CLCNKA: variants seen among roughly 807,000 people sequenced by gnomAD.
CLCNKA encodes chloride channel protein ClC-Ka.
A neutral mutation model predicts 83.3 loss-of-function variants in CLCNKA; 66 were observed. That is an observed-to-expected ratio of 0.79 (90% CI 0.65 to 0.97). The LOEUF (loss-of-function observed/expected upper bound fraction) is 0.97, where lower values mean the gene tolerates loss of function less well. Among genes scored for constraint, CLCNKA ranks in the 50% least tolerant of loss-of-function variants. CLCNKA has a pLI of 0.00. For synonymous variants in CLCNKA, 357 were observed against 370.4 expected, an observed-to-expected ratio of 0.96 and a Z score of 0.42; for missense variants, 806 against 888.7, an observed-to-expected ratio of 0.91 and a Z score of 1.18.
At position 16,033,887 on chromosome 1, in the gene CLCNKA, G is replaced by A. The variant is rs1373893220; in HGVS notation, c.*229G>A. ...TCCCACCTTGGGCAGAGCTGAGTGT[G>A]AGAAGATGGAAAACCAGTATCTGCC... On this transcript the variant is annotated 3_prime_UTR_variant, in exon 20 of 20. Transcript: ENST00000331433. The A allele has an allele frequency of 3.1e-5, 20 of 646,210 alleles. No homozygotes were observed. Among genetic ancestry groups the A allele is most frequent in the Middle Eastern group, 2.8e-4 (1 of 3,518 alleles). The allele number at this position is 646,210 out of a possible 1,614,324, so 40.0% of individuals were successfully genotyped here. A position where few individuals can be genotyped will look rare whatever the true frequency, so the allele number is the denominator to read the frequency against.
intron 4 of CLCNKA, among the ~76,000 whole-genome samples, chr1:16,025,170 ACTCAGCCCTTC>A (rs1214310184): frequency 6.6e-6 from 1 of 152,064 alleles, no homozygotes; most frequent in Non-Finnish European, 1.5e-5. Context: ...CCCTCAGGCC[ACTCAGCCCTTC>A]CTCCAGCTCC....
chr1:16,025,630 T>C (rs1352687237), intron 4 of CLCNKA, among the ~76,000 whole-genome samples: 2 of 152,000 alleles, frequency 1.3e-5, no homozygotes, highest in African/African-American at 2.4e-5. Flanking sequence ...GGGGTTATAA[T>C]GAGCCGAGAT....
rs112960271 is a variant in CLCNKA at position 16,033,983 on chromosome 1, A to G, written c.*325A>G. 5.9e-6 allele frequency: 2 copies of G among 339,592 alleles called. 1 individual carries two copies. The highest frequency in any genetic ancestry group is 8.1e-5 in the African/African-American group (2 of 24,634). 21.0% of individuals were successfully genotyped at this position (339,592 alleles called of 1,614,324 possible). On this transcript the variant is annotated 3_prime_UTR_variant, in exon 20 of 20. Coordinates refer to ENST00000331433, the MANE Select transcript of CLCNKA (RefSeq NM_004070.4). ...AGTACACTGTCACCAAGGGCAGGCA[A>G]AGATGCCCTCTGGGGTTGTCTGGTT... is the stretch of plus-strand genomic sequence containing the variant.
chr1:16,030,573 A>T lies in CLCNKA; in HGVS notation c.1521A>T (p.Ala507=), dbSNP rs764503312. The T allele has an allele frequency of 6.2e-7, 1 of 1,613,084 alleles. No homozygotes were observed. Among genetic ancestry groups the T allele is most frequent in the Admixed American group, 1.7e-5 (1 of 60,028 alleles). The change falls in exon 15 of 20, where the codon GCA becomes GCT. Residue 507 remains alanine, a synonymous_variant. Transcript: ENST00000331433. ...HALPVLMAVL[A]ANAIAQSCQP... The stretch of plus-strand genomic sequence containing the variant: ...TGCCCGTGCTGATGGCGGTGCTGGC[A>T]GCCAACGCCATTGCACAGAGCTGCC...
At chr1:16,028,409 C>A (rs1453820439) in intron 10 of CLCNKA, among the ~76,000 whole-genome samples, 1 of 152,166 alleles carries the variant, frequency 6.6e-6, no homozygotes, top group Non-Finnish European at 1.5e-5. Context: ...TGTGTGGCCC[C>A]TGGCGTTGGC....
chr1:16,032,993 T>G (rs1467191875), intron 18 of CLCNKA, among the ~76,000 whole-genome samples, 177 bp from the exon 19 acceptor site: 8 of 152,108 alleles, frequency 5.3e-5, no homozygotes, highest in Non-Finnish European at 1.2e-4. Context: ...CCCAGACCCT[T>G]GAGTGGCCTC....
In CLCNKA at chr1:16,024,885, T is replaced by G; in HGVS notation, c.352T>G (p.Ser118Ala). ...SGFSQSITPS[S>A]GGSGIPELKT... Reference sequence around the variant, plus strand: ...CTTCTCCCAGAGCATCACGCCCTCCTCTGGAGGTGAGTCCACGGTCGCCAT... The same window carrying G: ...CTTCTCCCAGAGCATCACGCCCTCCGCTGGAGGTGAGTCCACGGTCGCCAT... The change falls in exon 4 of 20, where the codon TCT becomes GCT. Residue 118 changes from serine to alanine, a missense_variant. Transcript: ENST00000331433. The G allele has an allele frequency of 2.5e-6, 4 of 1,614,064 alleles. No individual in the cohort carries two copies. Among genetic ancestry groups the G allele is most frequent in the Non-Finnish European group, 3.4e-6 (4 of 1,180,004 alleles).
chr1:16,026,980 C>T, intron 7 of CLCNKA: 1 of 692,370 alleles, frequency 1.4e-6, no homozygotes. Context: ...TGCTGAGAGG[C>T]TTCAGGATAA....
Position 16,029,112 on chromosome 1 carries a change from C to T in CLCNKA, c.1054-14C>T. 1 of 1,610,182 alleles carries T rather than the reference C, an allele frequency of 6.2e-7. No individual in the cohort carries two copies. Among genetic ancestry groups the T allele is most frequent in the Non-Finnish European group, 8.5e-7 (1 of 1,179,480 alleles). On this transcript the variant is annotated splice_polypyrimidine_tract_variant and intron_variant, in intron 11 of 19. Coordinates refer to ENST00000331433, the MANE Select transcript of CLCNKA (RefSeq NM_004070.4). ...GGGGCCCCTCATGTCCAGTTCCCAC[C>T]TGCCCCGCCACAGCTGTCCATGAAG...
intron 15 of CLCNKA, 100 bp downstream of exon 15, chr1:16,030,774 C>A: frequency 6.7e-7 from 1 of 1,488,966 alleles, no homozygotes; most frequent in Admixed American, 1.8e-5. Context: ...CCGCAGCTGA[C>A]CTCCGACATG....
At chr1:16,030,314 C>A (rs1302961225) in intron 14 of CLCNKA, 147 bp from the exon 15 acceptor site, 4 of 1,051,198 alleles carry the variant, frequency 3.8e-6, no homozygotes, top group Non-Finnish European at 5.6e-6. Context: ...CAAGCCCAGG[C>A]CTTGGGGCAC....
chr1:16,026,670 T>G (rs761375883), intron 6 of CLCNKA, 27 bp from the exon 7 acceptor site: 56 of 1,613,410 alleles, frequency 3.5e-5, no homozygotes, highest in African/African-American at 5.3e-5. Flanking sequence ...GGGGGCTGAC[T>G]CTGAGCCCTG....
chr1:16,033,937 A>T lies in CLCNKA; in HGVS notation c.*279A>T, dbSNP rs1211628577. On this transcript the variant is annotated 3_prime_UTR_variant, in exon 20 of 20. Transcript: ENST00000331433. ...CAGGTGCTCAGTGACTGGCCATCAC[A>T]TTAATGAATGACGAGATTGGAGTAC... The T allele has an allele frequency of 3.7e-6, 2 of 542,044 alleles. 1 individual carries two copies. Among genetic ancestry groups the T allele is most frequent in the African/African-American group, 5.3e-5 (2 of 37,454 alleles). 33.6% of individuals were successfully genotyped at this position (542,044 alleles called of 1,614,324 possible).
At chr1:16,028,941 G>A (rs2022498959) in intron 11 of CLCNKA, 96 bp downstream of exon 11, 1 of 1,521,684 alleles carries the variant, frequency 6.6e-7, no homozygotes, top group Non-Finnish European at 9.1e-7. Context: ...CCCCACCAGG[G>A]TGACACCTGG....
At chr1:16,033,289 G>T (rs756701448) in intron 19 of CLCNKA, 33 bp downstream of exon 19, 1 of 1,610,558 alleles carries the variant, frequency 6.2e-7, no homozygotes, top group South Asian at 1.1e-5. Context: ...GCAAAGCAGG[G>T]GACCCATGCC....
chr1:16,033,929 G>T lies in CLCNKA; in HGVS notation c.*271G>T. On this transcript the variant is annotated 3_prime_UTR_variant, in exon 20 of 20. Coordinates refer to ENST00000331433, the MANE Select transcript of CLCNKA (RefSeq NM_004070.4). The stretch of plus-strand genomic sequence containing the variant: ...GTATCTGCCAGGTGCTCAGTGACTG[G>T]CCATCACATTAATGAATGACGAGAT... The T allele has an allele frequency of 4.0e-6, 2 of 505,082 alleles. No individual in the cohort carries two copies. The highest frequency in any genetic ancestry group is 3.4e-5 in the African/African-American group (1 of 29,604). 31.3% of individuals were successfully genotyped at this position (505,082 alleles called of 1,614,324 possible). A position where few individuals can be genotyped will look rare whatever the true frequency, so the allele number is the denominator to read the frequency against.
At position 16,028,076 on chromosome 1, in the gene CLCNKA, TTCA is replaced by T. The variant is rs781111805; in HGVS notation, c.929_931del (p.Ile310del). ...CTTCTGTCAGCGAACCTTCCTCAGC[TTCA>T]TCAAGACCAATCGGTACAGCTCCAA... is the stretch of plus-strand genomic sequence containing the variant. On this transcript the variant is annotated inframe_deletion, in exon 10 of 20. Coordinates refer to ENST00000331433, the MANE Select transcript of CLCNKA (RefSeq NM_004070.4). 2.5e-6 allele frequency: 4 copies of T among 1,584,008 alleles called. No individual in the cohort carries two copies. Among genetic ancestry groups the T allele is most frequent in the Non-Finnish European group, 3.5e-6 (4 of 1,153,742 alleles).
intron 18 of CLCNKA, among the ~76,000 whole-genome samples, chr1:16,032,876 CA>C (rs2022686836): frequency 6.6e-6 from 1 of 152,254 alleles, no homozygotes. Flanking sequence ...GAGCCTGACA[CA>C]AGGATGGGGC....
In CLCNKA at chr1:16,030,722, G is replaced by T. The variant is rs745351540; in HGVS notation, c.1622+48G>T. ...TGACTGAAGGGGGTCACAGTGTTTG[G>T]GCTTGGCTGGGGGTGGAGGGCACCT... On this transcript the variant is annotated intron_variant, in intron 15 of 19. Transcript: ENST00000331433. 90 of 1,611,460 alleles carry T rather than the reference G, an allele frequency of 5.6e-5. 1 individual carries two copies. Among genetic ancestry groups the T allele is most frequent in the Non-Finnish European group, 7.4e-5 (87 of 1,179,638 alleles).
Sources: allele counts gnomAD v4.1 joint callset (sites outside exome capture counted in the v4.1 genomes callset), GRCh38; gene constraint gnomAD v4.1.1; transcripts MANE v1.5; gene names NCBI Gene and HGNC (gene_info 2026-07-23, HGNC 2026-07-21).